The following TAFA2 variants were observed in gnomAD, a reference collection of about 807,000 sequenced individuals.
TAFA2 encodes the protein TAFA chemokine like family member 2.
A neutral mutation model predicts 18.8 loss-of-function variants in TAFA2; 7 were observed. That is an observed-to-expected ratio of 0.37 (90% CI 0.21 to 0.70). TAFA2 has a LOEUF of 0.70. TAFA2 is among the 30% of genes least tolerant of loss of function. The probability of loss-of-function intolerance (pLI) is 0.53; values close to 1 mark genes in which losing one functional copy is unlikely to be tolerated. For missense variants in TAFA2, 122 were observed against 158.1 expected (o/e 0.77, Z 1.23); for synonymous variants, 60 against 54.2 (o/e 1.11, Z -0.47).
intron 4 of TAFA2, among the ~76,000 whole-genome samples, chr12:61,713,894 C>A (rs1278767894): frequency 1.3e-5 from 2 of 152,090 alleles, no homozygotes; most frequent in African/African-American, 4.8e-5. Context: ...AATATTTATA[C>A]AATCCAACAT....
At chr12:62,172,898 G>C (rs1247411013) in intron 1 of TAFA2, among the ~76,000 whole-genome samples, 1 of 152,138 alleles carries the variant, frequency 6.6e-6, no homozygotes, top group African/African-American at 2.4e-5. Context: ...TTTAGTCACT[G>C]AATAAGCTCA....
intron 2 of TAFA2, among the ~76,000 whole-genome samples, chr12:61,785,473 G>C: frequency 6.6e-6 from 1 of 151,348 alleles, no homozygotes; most frequent in East Asian, 1.9e-4. Flanking sequence ...AGGAATCACA[G>C]TAATTGAACA....
chr12:62,124,779 T>C (rs1565752705), intron 1 of TAFA2, among the ~76,000 whole-genome samples: 1 of 152,166 alleles, frequency 6.6e-6, no homozygotes, highest in Non-Finnish European at 1.5e-5. Context: ...ACACAGGGAA[T>C]TGGATATTCC....
At chr12:61,953,187 G>A (rs745687276) in intron 1 of TAFA2, among the ~76,000 whole-genome samples, 2 of 151,910 alleles carry the variant, frequency 1.3e-5, no homozygotes, top group African/African-American at 2.4e-5. Context: ...CCATGGGAGA[G>A]CACTATGCAC....
intron 1 of TAFA2, among the ~76,000 whole-genome samples, chr12:62,133,902 C>T (rs1019439211): frequency 2.0e-5 from 3 of 152,010 alleles, no homozygotes; most frequent in African/African-American, 7.2e-5. Flanking sequence ...ATAGCTTATC[C>T]ATTTTCTTAC....
chr12:61,969,180 C>T (rs1369778592), intron 1 of TAFA2, among the ~76,000 whole-genome samples: 1 of 151,624 alleles, frequency 6.6e-6, no homozygotes, highest in African/African-American at 2.4e-5. Flanking sequence ...CATAAGTAAT[C>T]AATAAATGCT....
intron 1 of TAFA2, among the ~76,000 whole-genome samples, chr12:62,210,575 C>T (rs576931725): frequency 6.6e-6 from 1 of 152,310 alleles, no homozygotes; most frequent in African/African-American, 2.4e-5. Context: ...CATCGCAGTA[C>T]ATGTTGTCTG....
intron 1 of TAFA2, among the ~76,000 whole-genome samples, chr12:61,901,790 T>C (rs1362798544): frequency 6.6e-6 from 1 of 152,194 alleles, no homozygotes; most frequent in Non-Finnish European, 1.5e-5. Flanking sequence ...CAATTTTTGA[T>C]TGTATACCAT....
intron 4 of TAFA2, among the ~76,000 whole-genome samples, chr12:61,714,467 A>G (rs1196881558): frequency 1.3e-5 from 2 of 152,226 alleles, no homozygotes; most frequent in Non-Finnish European, 2.9e-5. Context: ...AGCAAAAAGT[A>G]GTAATTATTT....
intron 1 of TAFA2, among the ~76,000 whole-genome samples, chr12:61,912,631 G>A (rs563358607): frequency 3.4e-4 from 51 of 152,172 alleles, no homozygotes; most frequent in Non-Finnish European, 3.8e-4. Context: ...ATTGTTGCTC[G>A]TTTCTCTTTT....
rs535502430 is a variant in TAFA2 at position 61,851,241 on chromosome 12, G to A, written c.106+16079C>T. On this transcript the variant is annotated intron_variant, in intron 2 of 4. Coordinates refer to ENST00000416284, the MANE Select transcript of TAFA2 (RefSeq NM_178539.5). ...CATATAACAGGGAAACTAACCTAGA[G>A]GGATAATAAAGGATTTCTAGGGGAG... Among the ~76,000 whole-genome samples, 8 of 152,218 alleles carry A rather than the reference G, an allele frequency of 5.3e-5. No individual in the cohort carries two copies. The South Asian group carries it at 1.7e-3, about 32-fold the overall frequency.
At chr12:62,022,529 A>T (rs1237136463) in intron 1 of TAFA2, among the ~76,000 whole-genome samples, 17 of 152,180 alleles carry the variant, frequency 1.1e-4, no homozygotes, top group Admixed American at 1.1e-3. Flanking sequence ...GAGTGTTACC[A>T]TGTGCCAGGA....
intron 1 of TAFA2, among the ~76,000 whole-genome samples, chr12:61,968,875 C>G (rs1879154005): frequency 6.6e-6 from 1 of 151,644 alleles, no homozygotes; most frequent in South Asian, 2.1e-4. Context: ...AGATTGTTGG[C>G]TTTACAAACA....
intron 1 of TAFA2, chr12:61,879,722 A>G: frequency 8.6e-7 from 1 of 1,156,698 alleles, no homozygotes; most frequent in Non-Finnish European, 1.3e-6. Flanking sequence ...GATGGCTCAG[A>G]GCAACATGGA....
At chr12:62,021,690 G>A (rs1881145626) in intron 1 of TAFA2, 8 of 1,473,486 alleles carry the variant, frequency 5.4e-6, no homozygotes, top group South Asian at 1.1e-5. Context: ...GTCAGGCAGG[G>A]GCTTCTTAGG....
intron 1 of TAFA2, among the ~76,000 whole-genome samples, chr12:61,966,411 T>C (rs993304220): frequency 9.9e-5 from 15 of 151,892 alleles, no homozygotes; most frequent in Non-Finnish European, 1.9e-4. Context: ...ATAAGGGCTG[T>C]AATCCCATCC....
intron 1 of TAFA2, among the ~76,000 whole-genome samples, chr12:62,240,229 G>A (rs1013524386): frequency 6.6e-6 from 1 of 151,884 alleles, no homozygotes; most frequent in Admixed American, 6.6e-5. Context: ...GATCAGCCTG[G>A]CCAACATGAT....
At chr12:61,894,903 T>C (rs1211391258) in intron 1 of TAFA2, among the ~76,000 whole-genome samples, 17 of 152,206 alleles carry the variant, frequency 1.1e-4, no homozygotes, top group Non-Finnish European at 2.5e-4. Context: ...CAAACTATCA[T>C]GTGGTTATGT....
intron 1 of TAFA2, among the ~76,000 whole-genome samples, chr12:62,154,673 G>A (rs904036889): frequency 2.5e-4 from 5 of 20,360 alleles, no homozygotes; most frequent in Admixed American, 1.7e-3. Context: ...ACGTGCATCC[G>A]GTATCATGAA....
Sources: gnomAD v4.1 joint callset for allele counts (sites outside exome capture counted in the v4.1 genomes callset) on GRCh38, gnomAD v4.1.1 for gene constraint, MANE v1.5 for transcripts, NCBI Gene and HGNC (gene_info 2026-07-23, HGNC 2026-07-21) for gene names.